SLC44A5: variants seen among roughly 807,000 people sequenced by gnomAD.
The protein encoded by SLC44A5 is choline transporter-like protein 5.
SLC44A5 carries 57 observed loss-of-function variants against 101.8 expected under a neutral mutation model. That is an observed-to-expected ratio of 0.56 (90% CI 0.45 to 0.70). The LOEUF (loss-of-function observed/expected upper bound fraction) is 0.70, where lower values mean the gene tolerates loss of function less well. SLC44A5 is among the 30% of genes least tolerant of loss of function. The probability of loss-of-function intolerance (pLI) is 0.00; values close to 1 mark genes in which losing one functional copy is unlikely to be tolerated. For missense variants in SLC44A5, 737 were observed against 853.1 expected (o/e 0.86, Z 1.70); for synonymous variants, 281 against 290.9 (o/e 0.97, Z 0.35).
rs368305174 is a variant in SLC44A5, at chr1:75,280,450, T to TAA, written c.176-5409_176-5408insTT. ...TTGTATATATTATATATAGTATATATTATATATAGTATATATAATATATAA... is the reference window on the plus strand; with the variant it reads ...TTGTATATATTATATATAGTATATATAATATATATAGTATATATAATATATAA... On this transcript the variant is annotated intron_variant, in intron 5 of 23. Coordinates refer to ENST00000370859, the MANE Select transcript of SLC44A5 (RefSeq NM_001130058.2). 1.8e-3 allele frequency among the ~76,000 whole-genome samples: 168 copies of TAA among 94,290 alleles called. 3 individuals carry two copies. Among genetic ancestry groups the TAA allele is most frequent in the African/African-American group, 2.4e-3 (51 of 21,582 alleles). 61.9% of individuals were successfully genotyped at this position (94,290 alleles called of 152,430 possible).
intron 2 of SLC44A5, among the ~76,000 whole-genome samples, chr1:75,458,155 C>G (rs1666292938): frequency 1.3e-5 from 2 of 152,088 alleles, no homozygotes; most frequent in South Asian, 4.1e-4. Context: ...AACAAGATAA[C>G]CAGAGGATGG....
At chr1:75,515,106 C>T (rs1669759284) in intron 2 of SLC44A5, among the ~76,000 whole-genome samples, 1 of 152,054 alleles carries the variant, frequency 6.6e-6, no homozygotes. Flanking sequence ...TGTGTTGTTT[C>T]ACTATTTTCT....
intron 2 of SLC44A5, among the ~76,000 whole-genome samples, chr1:75,422,601 A>G (rs1664074808): frequency 6.6e-6 from 1 of 152,206 alleles, no homozygotes; most frequent in Non-Finnish European, 1.5e-5. Flanking sequence ...TGAGGGACAT[A>G]TTTATATTAC....
chr1:75,704,834 G>A, the SLC44A5 span, among the ~76,000 whole-genome samples: 2 of 151,696 alleles, frequency 1.3e-5, no homozygotes, highest in South Asian at 2.1e-4. Flanking sequence ...TTACATAGTC[G>A]GGGATCTCCA....
At chr1:75,590,074 C>G (rs2102104165) in intron 1 of SLC44A5, among the ~76,000 whole-genome samples, 1 of 152,152 alleles carries the variant, frequency 6.6e-6, no homozygotes, top group East Asian at 1.9e-4. Flanking sequence ...ACACGACGTA[C>G]TGAGACACCA....
chr1:75,480,087 G>C (rs371965194), intron 2 of SLC44A5, among the ~76,000 whole-genome samples: 3 of 152,292 alleles, frequency 2.0e-5, no homozygotes, highest in African/African-American at 4.8e-5. Flanking sequence ...GGGATGCAAG[G>C]CTGGTTCAAT....
intron 2 of SLC44A5, among the ~76,000 whole-genome samples, chr1:75,411,500 G>T (rs1288425550): frequency 6.6e-6 from 1 of 152,110 alleles, no homozygotes; most frequent in Non-Finnish European, 1.5e-5. Flanking sequence ...TAGTGTGCAA[G>T]TTGAAAGAGC....
At chr1:75,537,033 A>AAAAAAAATATAT (rs35829590) in intron 2 of SLC44A5, among the ~76,000 whole-genome samples, 8 of 42,992 alleles carry the variant, frequency 1.9e-4, no homozygotes, top group Admixed American at 3.6e-4. Context: ...AAAAAAAAAA[A>AAAAAAAATATAT]ATATATATCT....
chr1:75,657,921 C>T, the SLC44A5 span, among the ~76,000 whole-genome samples: 3 of 152,052 alleles, frequency 2.0e-5, no homozygotes, highest in Admixed American at 6.6e-5. Flanking sequence ...AACAAAGAAA[C>T]ATCAGAATTA....
At chr1:75,264,100 G>A (rs1650780747) in intron 6 of SLC44A5, among the ~76,000 whole-genome samples, 1 of 145,922 alleles carries the variant, frequency 6.9e-6, no homozygotes, top group African/African-American at 2.6e-5. Flanking sequence ...TGCATGTTCT[G>A]CACATGTATC....
At chr1:75,398,485 A>G in intron 2 of SLC44A5, 1 of 690,608 alleles carries the variant, frequency 1.4e-6, no homozygotes, top group Non-Finnish European at 1.8e-6. Context: ...AGATGAAGTT[A>G]AATCCTCTTA....
chr1:75,334,981 A>G (rs1427292045), intron 4 of SLC44A5, among the ~76,000 whole-genome samples: 1 of 152,176 alleles, frequency 6.6e-6, no homozygotes, highest in Non-Finnish European at 1.5e-5. Flanking sequence ...CATGAGCTCC[A>G]CTACATACAG....
intron 4 of SLC44A5, among the ~76,000 whole-genome samples, chr1:75,332,591 T>C (rs1432442489): frequency 6.6e-6 from 1 of 152,178 alleles, no homozygotes; most frequent in Non-Finnish European, 1.5e-5. Context: ...TAAAATCATT[T>C]AGTTTACCTG....
At chr1:75,615,787 C>T, upstream of SLC44A5, 2 of 905,236 alleles carry the variant, frequency 2.2e-6, no homozygotes, top group Non-Finnish European at 2.6e-6. Context: ...GTAAACAGGC[C>T]GGCCCGAGGG....
intron 2 of SLC44A5, among the ~76,000 whole-genome samples, chr1:75,470,201 TTGAA>T (rs1287157880): frequency 6.6e-6 from 1 of 152,084 alleles, no homozygotes; most frequent in African/African-American, 2.4e-5. Flanking sequence ...TTTAAAAAAA[TTGAA>T]TGAAGTCTAC....
intron 2 of SLC44A5, among the ~76,000 whole-genome samples, chr1:75,428,710 C>G (rs1377643602): frequency 2.6e-5 from 4 of 152,126 alleles, no homozygotes; most frequent in African/African-American, 9.7e-5. Flanking sequence ...ACACATACCA[C>G]CTGTGTAATT....
rs1384299671 is a variant in SLC44A5, at chr1:75,469,914, A to AG, written c.13+71520_13+71521insC. ...GACCTTGTGAAGAAAAAAAAAAAAA[A>AG]AAAAAAAAAAGTAGAGTCAACGTAT... On this transcript the variant is annotated intron_variant, in intron 2 of 23. Transcript: ENST00000370859. 2.0e-5 allele frequency among the ~76,000 whole-genome samples: 3 copies of AG among 151,226 alleles called. No individual in the cohort carries two copies. The East Asian group carries it at 5.8e-4, about 29-fold the overall frequency.
chr1:75,484,512 C>T (rs1002706720), intron 2 of SLC44A5, among the ~76,000 whole-genome samples: 5 of 152,226 alleles, frequency 3.3e-5, no homozygotes, highest in Non-Finnish European at 7.3e-5. Context: ...CTGCAGTGTA[C>T]AGTCCCTGTG....
chr1:75,472,094 AAAAAACTACTGGGGCCTGGGTGTTTATT>A (rs1416157931), intron 2 of SLC44A5, among the ~76,000 whole-genome samples: 1 of 151,534 alleles, frequency 6.6e-6, no homozygotes, highest in Non-Finnish European at 1.5e-5. Context: ...AAAAAAAAAA[AAAAAACTACTGGGGCCTGGGTGTTTATT>A]CTTCTTCTCT....
Sources: allele counts gnomAD v4.1 joint callset (sites outside exome capture counted in the v4.1 genomes callset), GRCh38; gene constraint gnomAD v4.1.1; transcripts MANE v1.5; gene names NCBI Gene and HGNC (gene_info 2026-07-23, HGNC 2026-07-21).